The following FBN2 variants were observed in gnomAD, a reference collection of about 807,000 sequenced individuals.
FBN2 encodes fibrillin 2, also known as fibrillin-2.
FBN2 carries 105 observed loss-of-function variants against 355.6 expected under a neutral mutation model. That is an observed-to-expected ratio of 0.30 (90% CI 0.25 to 0.35). The LOEUF is 0.35. FBN2 is among the 10% of genes least tolerant of loss of function. The probability of loss-of-function intolerance (pLI) is 1.00; values close to 1 mark genes in which losing one functional copy is unlikely to be tolerated. For missense variants in FBN2, 3,280 were observed against 3,758.7 expected (o/e 0.87, Z 3.33); for synonymous variants, 1,350 against 1,301.2 (o/e 1.04, Z -0.81).
intron 5 of FBN2, among the ~76,000 whole-genome samples, chr5:128,480,560 A>C (rs1467811160): frequency 6.6e-6 from 1 of 152,184 alleles, no homozygotes; most frequent in African/African-American, 2.4e-5. Context: ...AAATACAAAA[A>C]TTAGCTGGGC....
intron 5 of FBN2, among the ~76,000 whole-genome samples, chr5:128,502,717 C>T (rs115655179): frequency 0.014 from 2,145 of 152,082 alleles, 54 homozygotes; most frequent in African/African-American, 0.048. Context: ...TAAAATTTTA[C>T]AAAACAAATG....
At chr5:128,484,767 G>A (rs1755290800) in intron 5 of FBN2, among the ~76,000 whole-genome samples, 2 of 152,244 alleles carry the variant, frequency 1.3e-5, no homozygotes, top group East Asian at 3.9e-4. Context: ...GGTATGAAAG[G>A]TATGGTAAAG....
At chr5:128,390,009 G>GT (rs947381605) in intron 11 of FBN2, among the ~76,000 whole-genome samples, 51 of 149,320 alleles carry the variant, frequency 3.4e-4, no homozygotes, top group African/African-American at 7.9e-4. Flanking sequence ...TCTCTATGGA[G>GT]TTTTTTTTTT....
chr5:128,332,853 A>G, intron 32 of FBN2, 59 bp downstream of exon 32: 2 of 1,557,616 alleles, frequency 1.3e-6, no homozygotes, highest in Non-Finnish European at 1.8e-6. Flanking sequence ...ACAACCATGC[A>G]AAAAAGAGCC....
intron 40 of FBN2, 68 bp from the exon 41 acceptor site, chr5:128,309,467 G>T: frequency 1.5e-6 from 2 of 1,359,418 alleles, no homozygotes; most frequent in Admixed American, 1.7e-5. Context: ...AGCCCACACA[G>T]CTGTAGACAT....
chr5:128,361,150 CAAAG>C (rs1751628449), intron 19 of FBN2, among the ~76,000 whole-genome samples: 1 of 152,112 alleles, frequency 6.6e-6, no homozygotes, highest in African/African-American at 2.4e-5. Flanking sequence ...TAGAAGAAAA[CAAAG>C]AAGCTTTTAA....
At chr5:128,410,211 G>C (rs915907042) in intron 7 of FBN2, among the ~76,000 whole-genome samples, 1 of 152,184 alleles carries the variant, frequency 6.6e-6, no homozygotes, top group Non-Finnish European at 1.5e-5. Context: ...TGGTCAAAGA[G>C]CTGCCATCAG....
At chr5:128,455,465 T>C (rs1754355197) in intron 6 of FBN2, among the ~76,000 whole-genome samples, 1 of 152,082 alleles carries the variant, frequency 6.6e-6, no homozygotes. Context: ...TTTCTGACAC[T>C]ACTTAAGTCC....
chr5:128,456,146 G>T (rs1249336201), intron 6 of FBN2, among the ~76,000 whole-genome samples: 1 of 151,888 alleles, frequency 6.6e-6, no homozygotes, highest in African/African-American at 2.4e-5. Context: ...CCCAAGACTT[G>T]TCCTCACAGC....
intron 56 of FBN2, among the ~76,000 whole-genome samples, chr5:128,279,056 C>T (rs970405743): frequency 1.3e-5 from 2 of 152,156 alleles, no homozygotes; most frequent in Admixed American, 6.5e-5. Context: ...TGATACTATA[C>T]TTTAGAAATA....
chr5:128,350,767 C>G (rs146990457), intron 21 of FBN2, 101 bp downstream of exon 21: 18 of 1,344,608 alleles, frequency 1.3e-5, no homozygotes, highest in Non-Finnish European at 1.7e-5. Context: ...AGTAAATGAT[C>G]TCTGACCTTC....
At position 128,395,217 on chromosome 5, in the gene FBN2, A is replaced by G. The variant is rs748364106; in HGVS notation, c.1136T>C (p.Leu379Pro). 1.9e-6 allele frequency: 3 copies of G among 1,613,818 alleles called. No homozygotes were observed. The change falls in exon 9 of 65, where the codon CTC (leucine) becomes CCC (proline). Residue 379 changes from leucine to proline, a missense_variant. Leu to Pro is a moderately conservative substitution (Grantham distance 98). Transcript: ENST00000262464. ...CTGCATTTTCGTCATTCTCCCCGGG[A>G]GCTCTTGTGCACAGCGGCCATTCAC... Reference protein sequence around the residue: ...GLVNGRCAQELPGRMTKMQCC... With the variant: ...GLVNGRCAQEPPGRMTKMQCC...
chr5:128,359,423 A>G (rs1561788321), intron 19 of FBN2, among the ~76,000 whole-genome samples: 1 of 152,084 alleles, frequency 6.6e-6, no homozygotes, highest in Admixed American at 6.5e-5. Context: ...CAAGGGAAAA[A>G]GAGATTAGTA....
intron 5 of FBN2, among the ~76,000 whole-genome samples, chr5:128,509,052 G>T (rs945448341): frequency 1.3e-5 from 2 of 151,938 alleles, no homozygotes; most frequent in Non-Finnish European, 2.9e-5. Context: ...TTGAGAAATT[G>T]ATTATGATGT....
chr5:128,335,707 CTT>C (rs1750818636), intron 28 of FBN2, 130 bp from the exon 29 acceptor site: 2 of 1,145,914 alleles, frequency 1.7e-6, no homozygotes, highest in African/African-American at 3.0e-5. Context: ...TGAACATTAT[CTT>C]TCTTAGTTCT....
At chr5:128,354,418 G>C (rs951995159) in intron 20 of FBN2, among the ~76,000 whole-genome samples, 2 of 152,144 alleles carry the variant, frequency 1.3e-5, no homozygotes, top group Non-Finnish European at 2.9e-5. Flanking sequence ...AGCTTTTACT[G>C]AATGAAATGA....
intron 45 of FBN2, among the ~76,000 whole-genome samples, chr5:128,304,000 G>A (rs1336792642): frequency 6.6e-6 from 1 of 152,156 alleles, no homozygotes; most frequent in Non-Finnish European, 1.5e-5. Flanking sequence ...TCCAAAGGGA[G>A]GGCTTTAGGA....
At chr5:128,407,652 T>C (rs1299101207) in intron 8 of FBN2, among the ~76,000 whole-genome samples, 1 of 152,234 alleles carries the variant, frequency 6.6e-6, no homozygotes, top group African/African-American at 2.4e-5. Context: ...TTTGTATCTC[T>C]TATGTTCACT....
At chr5:128,302,831 A>C in intron 46 of FBN2, 142 bp downstream of exon 46, 1 of 670,146 alleles carries the variant, frequency 1.5e-6, no homozygotes, top group Non-Finnish European at 2.7e-6. Context: ...ACTAGAAACC[A>C]GTCAATGAAA....
Sources: gnomAD v4.1 joint callset for allele counts (sites outside exome capture counted in the v4.1 genomes callset) on GRCh38, gnomAD v4.1.1 for gene constraint, MANE v1.5 for transcripts, NCBI Gene and HGNC (gene_info 2026-07-23, HGNC 2026-07-21) for gene names.